The following TSHZ2 variants were observed in gnomAD, a reference collection of about 807,000 sequenced individuals.
TSHZ2 encodes teashirt zinc finger homeobox 2, also known as teashirt homolog 2.
TSHZ2 carries 21 observed loss-of-function variants against 74.4 expected under a neutral mutation model. The observed-to-expected ratio is 0.28, with a 90% CI of 0.20 to 0.41. The LOEUF (loss-of-function observed/expected upper bound fraction) is 0.41, where lower values mean the gene tolerates loss of function less well. TSHZ2 is among the 10% of genes least tolerant of loss of function. TSHZ2 has a pLI of 1.00. For missense variants in TSHZ2, 1,244 were observed against 1,293.5 expected, an observed-to-expected ratio of 0.96 and a Z score of 0.59; for synonymous variants, 540 against 515.3, an observed-to-expected ratio of 1.05 and a Z score of -0.65.
chr20:53,398,382 G>A (rs548456510), intron 2 of TSHZ2: 31 of 152,256 alleles, frequency 2.0e-4, no homozygotes, highest in South Asian at 8.3e-4. Context: ...AAGTAATAGC[G>A]TTGTAAAAAG....
chr20:53,316,591 CAAA>C (rs397936955), intron 2 of TSHZ2, among the ~76,000 whole-genome samples: 1 of 139,478 alleles, frequency 7.2e-6, no homozygotes, highest in South Asian at 2.3e-4. Flanking sequence ...TTAAAAATGA[CAAA>C]AAAAAAAAAG....
At chr20:53,400,845 G>T (rs1453579214) in intron 2 of TSHZ2, among the ~76,000 whole-genome samples, 1 of 152,148 alleles carries the variant, frequency 6.6e-6, no homozygotes. Context: ...TGCTCTCCCA[G>T]ACCTGTATCA....
At chr20:53,066,471 G>A (rs1028700228) in intron 1 of TSHZ2, among the ~76,000 whole-genome samples, 2 of 151,854 alleles carry the variant, frequency 1.3e-5, no homozygotes, top group South Asian at 2.1e-4. Context: ...TCCGGCTATC[G>A]CGTTTTGCTC....
intron 2 of TSHZ2, among the ~76,000 whole-genome samples, chr20:53,307,597 G>C (rs1978598366): frequency 1.3e-5 from 2 of 152,220 alleles, no homozygotes; most frequent in Non-Finnish European, 2.9e-5. Context: ...GAATCTGTAA[G>C]AGTGGGCCTG....
intron 2 of TSHZ2, among the ~76,000 whole-genome samples, chr20:53,273,094 A>G (rs1286177408): frequency 2.0e-5 from 3 of 152,240 alleles, no homozygotes; most frequent in Admixed American, 1.3e-4. Flanking sequence ...CCGGAGTGTC[A>G]TGAGCTGGGC....
At chr20:53,333,810 C>T (rs1170279542) in intron 2 of TSHZ2, among the ~76,000 whole-genome samples, 1 of 152,146 alleles carries the variant, frequency 6.6e-6, no homozygotes, top group Non-Finnish European at 1.5e-5. Flanking sequence ...TTCCTTCCTC[C>T]TAGGATGCAG....
At chr20:53,398,137 TGAA>T (rs1982525304) in intron 2 of TSHZ2, 1 of 151,632 alleles carries the variant, frequency 6.6e-6, no homozygotes, top group East Asian at 1.9e-4. Context: ...AATAAAAAAA[TGAA>T]GAAAAAAAAT....
In TSHZ2 at chr20:53,491,298, A is replaced by G. The variant is rs1010257748; in HGVS notation, c.*4163A>G. 2.6e-5 allele frequency: 4 copies of G among 152,204 alleles called. No individual in the cohort carries two copies. Among genetic ancestry groups the G allele is most frequent in the Non-Finnish European group, 5.9e-5 (4 of 68,034 alleles). The allele number at this position is 152,204 out of a possible 1,614,324, so 9.4% of individuals were successfully genotyped here. ...AATTTTCGTGTATTTTTCCCCTTGT[A>G]AGATGTTCAAATGCTAACTTCATTT... On this transcript the variant is annotated 3_prime_UTR_variant, in exon 3 of 3. Transcript: ENST00000371497.
At chr20:53,170,560 A>T (rs987099663) in intron 1 of TSHZ2, among the ~76,000 whole-genome samples, 2 of 152,228 alleles carry the variant, frequency 1.3e-5, no homozygotes, top group East Asian at 1.9e-4. Flanking sequence ...GGCACTGTAC[A>T]CTGTTGAGCA....
chr20:53,354,232 G>A (rs1489196449), intron 2 of TSHZ2, among the ~76,000 whole-genome samples: 1 of 152,178 alleles, frequency 6.6e-6, no homozygotes, highest in Admixed American at 6.5e-5. Context: ...GCTTCTAAGA[G>A]TCCAATGACA....
intron 1 of TSHZ2, among the ~76,000 whole-genome samples, chr20:53,036,775 A>G (rs983641124): frequency 1.4e-5 from 2 of 148,062 alleles, no homozygotes; most frequent in African/African-American, 2.5e-5. Flanking sequence ...AGTATATATT[A>G]TATATTTTAA....
rs550738899 is a variant in TSHZ2, at chr20:53,432,967, T to C, written c.*9-54177T>C. On this transcript the variant is annotated intron_variant, in intron 2 of 2. Transcript: ENST00000371497. ...ACATCTGGATTAGAAGATGTCTCTG[T>C]GAGTCTTTTGATCATTGCCTTACAA... is the stretch of plus-strand genomic sequence containing the variant. Among the ~76,000 whole-genome samples, 8 of 152,326 alleles carry C rather than the reference T, an allele frequency of 5.3e-5. No individual in the cohort carries two copies. In the South Asian group the frequency reaches 1.7e-3, roughly 32 times the overall value.
At chr20:53,416,968 A>C (rs915210405) in intron 2 of TSHZ2, among the ~76,000 whole-genome samples, 2 of 152,326 alleles carry the variant, frequency 1.3e-5, no homozygotes, top group East Asian at 1.9e-4. Context: ...AAGTTTTGGA[A>C]TAGAAAATGT....
At chr20:53,016,015 CATT>C (rs1156320051) in intron 1 of TSHZ2, among the ~76,000 whole-genome samples, 3 of 152,168 alleles carry the variant, frequency 2.0e-5, no homozygotes, top group African/African-American at 7.2e-5. Flanking sequence ...TAAAGGGCAT[CATT>C]GTCTCGGCTC....
intron 2 of TSHZ2, among the ~76,000 whole-genome samples, chr20:53,307,798 C>T (rs1226966594): frequency 6.6e-6 from 1 of 151,960 alleles, no homozygotes; most frequent in Non-Finnish European, 1.5e-5. Context: ...GTTTTAAACC[C>T]CCAGAGGTGA....
intron 1 of TSHZ2, among the ~76,000 whole-genome samples, chr20:53,084,686 C>CCTCT (rs1379342927): frequency 9.3e-6 from 1 of 107,954 alleles, no homozygotes; most frequent in Non-Finnish European, 1.8e-5. Flanking sequence ...TCCCTCCCTC[C>CCTCT]CTCCCTCTCT....
chr20:53,229,842 GAAAA>G (rs753043758), intron 1 of TSHZ2, among the ~76,000 whole-genome samples: 1 of 131,978 alleles, frequency 7.6e-6, no homozygotes, highest in Non-Finnish European at 1.6e-5. Context: ...AGAAAGAAAA[GAAAA>G]AAAGAAGAAA....
At chr20:52,984,591 A>G (rs1261957379) in intron 1 of TSHZ2, among the ~76,000 whole-genome samples, 1 of 152,132 alleles carries the variant, frequency 6.6e-6, no homozygotes, top group Non-Finnish European at 1.5e-5. Context: ...CAGGGAGGGT[A>G]AAGATAAGCA....
At chr20:53,432,782 A>G (rs1446450605) in intron 2 of TSHZ2, among the ~76,000 whole-genome samples, 1 of 152,226 alleles carries the variant, frequency 6.6e-6, no homozygotes, top group Non-Finnish European at 1.5e-5. Flanking sequence ...TTGTTACTTA[A>G]GAAAATTCTA....
Sources: allele counts gnomAD v4.1 joint callset (sites outside exome capture counted in the v4.1 genomes callset), GRCh38; gene constraint gnomAD v4.1.1; transcripts MANE v1.5; gene names NCBI Gene and HGNC (gene_info 2026-07-23, HGNC 2026-07-21).